The following TMEM139 variants were observed in gnomAD, a reference collection of about 807,000 sequenced individuals.
TMEM139 encodes the protein transmembrane protein 139.
TMEM139 carries 9 observed loss-of-function variants against 15.9 expected under a neutral mutation model. The ratio of observed to expected loss-of-function variants is 0.57; its 90% CI spans 0.34 to 0.99. The LOEUF is 0.99. TMEM139 is among the 50% of genes least tolerant of loss of function. The pLI, the probability that TMEM139 is intolerant of heterozygous loss-of-function variation, is 0.02. For missense variants in TMEM139, 270 were observed against 267.7 expected (o/e 1.01, Z -0.06); for synonymous variants, 95 against 110.5 (o/e 0.86, Z 0.88).
At position 143,287,109 on chromosome 7, in the gene TMEM139, A is replaced by T. The variant is rs1258182846; in HGVS notation, c.*280A>T. 4 of 329,322 alleles carry T rather than the reference A, an allele frequency of 1.2e-5. No individual in the cohort carries two copies. The highest frequency in any genetic ancestry group is 1.7e-5 in the Non-Finnish European group (3 of 179,584). The allele number at this position is 329,322 out of a possible 1,614,324, so 20.4% of individuals were successfully genotyped here. ...GGGAGGTGATCCAGAGAAGGCGGAG[A>T]AGGAAGAAGTAACCTCTGAGTGGCG... is the stretch of plus-strand genomic sequence containing the variant. On this transcript the variant is annotated 3_prime_UTR_variant, in exon 3 of 3. Coordinates refer to ENST00000359333, the MANE Select transcript of TMEM139 (RefSeq NM_001282876.2).
In TMEM139 at chr7:143,286,065, C is replaced by T. The variant is rs1416365836; in HGVS notation, c.108C>T (p.Thr36=). ...TGCTGGGCATAAAGACGGACATCAC[C>T]CCCGTTGCTTATTTCTTTCTCACAT... The part of the protein sequence containing the change: ...LALLGIKTDI[T]PVAYFFLTLG... The change falls in exon 2 of 3, where the codon ACC becomes ACT. Residue 36 remains threonine, a synonymous_variant. Coordinates refer to ENST00000359333, the MANE Select transcript of TMEM139 (RefSeq NM_001282876.2). The T allele has an allele frequency of 6.2e-7, 1 of 1,614,112 alleles. No homozygotes were observed. The highest frequency in any genetic ancestry group is 2.2e-5 in the East Asian group (1 of 44,878).
chr7:143,285,361 G>C lies in TMEM139; in HGVS notation c.-102G>C, dbSNP rs1007326160. The C allele has an allele frequency of 2.4e-5, 4 of 163,540 alleles. No homozygotes were observed. The highest frequency in any genetic ancestry group is 5.4e-5 in the Non-Finnish European group (4 of 73,794). The allele number at this position is 163,540 out of a possible 1,614,324, so 10.1% of individuals were successfully genotyped here. A position where few individuals can be genotyped will look rare whatever the true frequency, so the allele number is the denominator to read the frequency against. On this transcript the variant is annotated 5_prime_UTR_variant, in exon 1 of 3. Coordinates refer to ENST00000359333, the MANE Select transcript of TMEM139 (RefSeq NM_001282876.2). ...TTTCTCAAGCAGTTGTGTCCCTGTG[G>C]CTTTGGTGCGCCTGTGTGCACTTTC...
In TMEM139 at chr7:143,286,817, G is replaced by C; in HGVS notation, c.639G>C (p.Trp213Cys). Reference sequence around the variant, plus strand: ...ATAGTGTTTTTTATGAGGACAACTGGGCACCCCCTTAAATGACTCTCCCAA... The same window carrying C: ...ATAGTGTTTTTTATGAGGACAACTGCGCACCCCCTTAAATGACTCTCCCAA... ...DDDSVFYEDNWAPP is the reference protein window; with the variant it reads ...DDDSVFYEDNCAPP Residue 213 changes from tryptophan (W) to cysteine (C), a missense_variant, in exon 3 of 3, where the codon TGG becomes TGC. Trp to Cys is a radical substitution (Grantham distance 215). Coordinates refer to ENST00000359333, the MANE Select transcript of TMEM139 (RefSeq NM_001282876.2). The C allele has an allele frequency of 6.3e-7, 1 of 1,594,782 alleles. No individual in the cohort carries two copies. The highest frequency in any genetic ancestry group is 8.6e-7 in the Non-Finnish European group (1 of 1,166,876).
Position 143,286,219 on chromosome 7 carries a change from C to T in TMEM139, c.245+17C>T, listed in dbSNP as rs1174310964. 3 of 1,612,794 alleles carry T rather than the reference C, an allele frequency of 1.9e-6. No individual in the cohort carries two copies. The East Asian group carries it at 6.7e-5, about 36-fold the overall frequency. On this transcript the variant is annotated intron_variant, in intron 2 of 2. Transcript: ENST00000359333. ...CAATGCACGGTGAGTTAAGGGTGGG[C>T]ATCGTAAGAGGAATACACCTTGGGC...
rs200902226 is a variant in TMEM139 at position 143,286,512 on chromosome 7, C to T, written c.334C>T (p.Pro112Ser). 1 of 1,609,426 alleles carries T rather than the reference C, an allele frequency of 6.2e-7. No individual in the cohort carries two copies. The highest frequency in any genetic ancestry group is 1.3e-5 in the African/African-American group (1 of 74,576). ...CCGCCCCCAAGAGTTGGACCAACCA[C>T]CCCCCTACAGCACTGTTGTGATACC... The part of the protein sequence containing the change: ...QCRPQELDQP[P>S]PYSTVVIPPA... The change falls in exon 3 of 3, where the codon CCC becomes TCC. Residue 112 changes from proline to serine, a missense_variant. Transcript: ENST00000359333.
At position 143,287,006 on chromosome 7, in the gene TMEM139, C is replaced by A; in HGVS notation, c.*177C>A. 1 of 668,542 alleles carries A rather than the reference C, an allele frequency of 1.5e-6. No homozygotes were observed. Among genetic ancestry groups the A allele is most frequent in the Non-Finnish European group, 2.4e-6 (1 of 412,412 alleles). 41.4% of individuals were successfully genotyped at this position (668,542 alleles called of 1,614,324 possible). A position where few individuals can be genotyped will look rare whatever the true frequency, so the allele number is the denominator to read the frequency against. ...CCCTTCCCAGCTGAGATATGGGTGG[C>A]ATAATTTGAGTCTTCTGGCAACATT... is the stretch of plus-strand genomic sequence containing the variant. On this transcript the variant is annotated 3_prime_UTR_variant, in exon 3 of 3. Coordinates refer to ENST00000359333, the MANE Select transcript of TMEM139 (RefSeq NM_001282876.2).
At chr7:143,285,752 T>C in intron 1 of TMEM139, 189 bp from the exon 2 acceptor site, 1 of 692,066 alleles carries the variant, frequency 1.4e-6, no homozygotes, top group Non-Finnish European at 2.3e-6. Flanking sequence ...TGGGCTGGTT[T>C]CCTGGCTATT....
rs1801344425 is a variant in TMEM139 at position 143,286,805 on chromosome 7, T to G, written c.627T>G (p.Tyr209Ter). 1.2e-6 allele frequency: 2 copies of G among 1,605,144 alleles called. No homozygotes were observed. The highest frequency in any genetic ancestry group is 2.2e-5 in the South Asian group (2 of 90,556). The change falls in exon 3 of 3, where the codon TAT (tyrosine) becomes TAG (stop). Residue 209 changes from tyrosine (Y) to a stop codon, truncating the protein, a stop_gained. Coordinates refer to ENST00000359333, the MANE Select transcript of TMEM139 (RefSeq NM_001282876.2). LOFTEE classifies it high-confidence loss of function. ...ACCCTGATGATGATAGTGTTTTTTATGAGGACAACTGGGCACCCCCTTAAA... is the reference window on the plus strand; with the variant it reads ...ACCCTGATGATGATAGTGTTTTTTAGGAGGACAACTGGGCACCCCCTTAAA... ...FGHPDDDSVF[Y>*]EDNWAPP
chr7:143,286,392 A>G lies in TMEM139; in HGVS notation c.246-32A>G, dbSNP rs140477271. Reference sequence around the variant, plus strand: ...AGGGAAAAAGGGCTTCTTTCATGGAAGCCACCAATGGCCTTATTTCTCTTC... The same window carrying G: ...AGGGAAAAAGGGCTTCTTTCATGGAGGCCACCAATGGCCTTATTTCTCTTC... On this transcript the variant is annotated intron_variant, in intron 2 of 2. Coordinates refer to ENST00000359333, the MANE Select transcript of TMEM139 (RefSeq NM_001282876.2). 1.3e-4 allele frequency: 200 copies of G among 1,522,472 alleles called. No individual in the cohort carries two copies. The East Asian group carries it at 4.5e-3, about 34-fold the overall frequency. The allele number at this position is 1,522,472 out of a possible 1,614,324, so 94.3% of individuals were successfully genotyped here.
At position 143,287,138 on chromosome 7, in the gene TMEM139, A is replaced by C. The variant is rs1245969929; in HGVS notation, c.*309A>C. 8.2e-5 allele frequency: 22 copies of C among 268,286 alleles called. No homozygotes were observed. The highest frequency in any genetic ancestry group is 1.3e-4 in the Non-Finnish European group (19 of 141,602). 16.6% of individuals were successfully genotyped at this position (268,286 alleles called of 1,614,324 possible). On this transcript the variant is annotated 3_prime_UTR_variant, in exon 3 of 3. Coordinates refer to ENST00000359333, the MANE Select transcript of TMEM139 (RefSeq NM_001282876.2). ...AAGAAGTAACCTCTGAGTGGCGGCT[A>C]TTGCTTCTGTTCCAGGTGCTGTTCG... is the stretch of plus-strand genomic sequence containing the variant.
chr7:143,287,357 C>T lies in TMEM139; in HGVS notation c.*528C>T, dbSNP rs1052340191. 2 of 152,550 alleles carry T rather than the reference C, an allele frequency of 1.3e-5. No homozygotes were observed. Among genetic ancestry groups the T allele is most frequent in the Non-Finnish European group, 2.9e-5 (2 of 68,294 alleles). 9.4% of individuals were successfully genotyped at this position (152,550 alleles called of 1,614,324 possible). On this transcript the variant is annotated 3_prime_UTR_variant, in exon 3 of 3. Coordinates refer to ENST00000359333, the MANE Select transcript of TMEM139 (RefSeq NM_001282876.2). ...AGGTAATAGGAAGCCAAGCAACTTG[C>T]ATGTCTCCCAATCCCTGTCTAGGGA... is the stretch of plus-strand genomic sequence containing the variant.
Position 143,286,440 on chromosome 7 carries a change from G to T in TMEM139, c.262G>T (p.Glu88Ter). 1 of 1,529,804 alleles carries T rather than the reference G, an allele frequency of 6.5e-7. No individual in the cohort carries two copies. The highest frequency in any genetic ancestry group is 8.8e-7 in the Non-Finnish European group (1 of 1,142,318). The allele number at this position is 1,529,804 out of a possible 1,614,324, so 94.8% of individuals were successfully genotyped here. A position where few individuals can be genotyped will look rare whatever the true frequency, so the allele number is the denominator to read the frequency against. Residue 88 changes from glutamate to a stop codon, truncating the protein, a stop_gained, in exon 3 of 3, where the codon GAA becomes TAA. Coordinates refer to ENST00000359333, the MANE Select transcript of TMEM139 (RefSeq NM_001282876.2). LOFTEE classifies it high-confidence loss of function. ...SGNARDNEAF[E>*]VPVYEEAVVG... ...TTCCCTCAGGGACAATGAAGCCTTT[G>T]AAGTGCCAGTCTATGAAGAGGCCGT...
rs1801351931 is a variant in TMEM139 at position 143,286,903 on chromosome 7, AT to A, written c.*75del. 4.4e-5 allele frequency: 64 copies of A among 1,463,932 alleles called. No homozygotes were observed. The highest frequency in any genetic ancestry group is 5.9e-5 in the Non-Finnish European group (64 of 1,090,800). The allele number at this position is 1,463,932 out of a possible 1,614,324, so 90.7% of individuals were successfully genotyped here. On this transcript the variant is annotated 3_prime_UTR_variant, in exon 3 of 3. Coordinates refer to ENST00000359333, the MANE Select transcript of TMEM139 (RefSeq NM_001282876.2). ...TGACTAACATTTTCCAGCGCCTACT[AT>A]GTGTCAGAAACAAGTGTTTCTGCCT...
At position 143,286,782 on chromosome 7, in the gene TMEM139, C is replaced by A; in HGVS notation, c.604C>A (p.Pro202Thr). Residue 202 changes from proline (P) to threonine (T), a missense_variant, in exon 3 of 3, where the codon CCT (proline) becomes ACT (threonine). Pro to Thr is a conservative substitution (Grantham distance 38, BLOSUM62 -1). Coordinates refer to ENST00000359333, the MANE Select transcript of TMEM139 (RefSeq NM_001282876.2). ...TGCCTATGATGTCTGCTTTGGTCAC[C>A]CTGATGATGATAGTGTTTTTTATGA... ...PPAYDVCFGHPDDDSVFYEDN... is the reference protein window; with the variant it reads ...PPAYDVCFGHTDDDSVFYEDN... 1 of 1,613,444 alleles carries A rather than the reference C, an allele frequency of 6.2e-7. No homozygotes were observed. The highest frequency in any genetic ancestry group is 8.5e-7 in the Non-Finnish European group (1 of 1,179,542).
rs1016330930 is a variant in TMEM139, at chr7:143,287,726, A to T, written c.*897A>T. The stretch of plus-strand genomic sequence containing the variant: ...TGGCGAGGAGACTCCCTCTTGAATC[A>T]TCCATATGTAGCCCCGGGGTCACTT... On this transcript the variant is annotated 3_prime_UTR_variant, in exon 3 of 3. Coordinates refer to ENST00000359333, the MANE Select transcript of TMEM139 (RefSeq NM_001282876.2). 3.3e-5 allele frequency: 5 copies of T among 152,194 alleles called. No homozygotes were observed. Among genetic ancestry groups the T allele is most frequent in the Admixed American group, 6.5e-5 (1 of 15,274 alleles). 9.4% of individuals were successfully genotyped at this position (152,194 alleles called of 1,614,324 possible).
Position 143,286,514 on chromosome 7 carries a change from C to A in TMEM139, c.336C>A (p.Pro112=). 6.2e-7 allele frequency: 1 copy of A among 1,611,432 alleles called. No homozygotes were observed. Among genetic ancestry groups the A allele is most frequent in the Non-Finnish European group, 8.5e-7 (1 of 1,178,952 alleles). The change falls in exon 3 of 3, where the codon CCC becomes CCA. Residue 112 remains proline (P), a synonymous_variant. Transcript: ENST00000359333. ...QCRPQELDQP[P]PYSTVVIPPA... ...GCCCCCAAGAGTTGGACCAACCACC[C>A]CCCTACAGCACTGTTGTGATACCCC...
rs993501712 is a variant in TMEM139, at chr7:143,286,578, T to A, written c.400T>A (p.Ser134Thr). The change falls in exon 3 of 3, where the codon TCC becomes ACC. Residue 134 changes from serine to threonine, a missense_variant. Physicochemically the swap from Ser to Thr is moderately conservative, Grantham distance 58. Coordinates refer to ENST00000359333, the MANE Select transcript of TMEM139 (RefSeq NM_001282876.2). The part of the protein sequence containing the change: ...EEEQPSHPEG[S>T]RRAKLEQRRM... ...GGAACAACCTAGCCATCCAGAGGGG[T>A]CCAGGAGAGCCAAACTGGAACAGAG... is the stretch of plus-strand genomic sequence containing the variant. The A allele has an allele frequency of 6.2e-7, 1 of 1,611,430 alleles. No individual in the cohort carries two copies.
chr7:143,286,369 G>A (rs1261732450), intron 2 of TMEM139, 55 bp from the exon 3 acceptor site: 14 of 1,523,212 alleles, frequency 9.2e-6, no homozygotes, highest in Non-Finnish European at 1.2e-5. Context: ...CAAAAAAAAG[G>A]GAAAAAGGGC....
chr7:143,286,936 C>A lies in TMEM139; in HGVS notation c.*107C>A. On this transcript the variant is annotated 3_prime_UTR_variant, in exon 3 of 3. Transcript: ENST00000359333. ...GAAACAAGTGTTTCTGCCTGGACATCATAAATGGGGACTTGGACCCTGAGG... is the reference window on the plus strand; with the variant it reads ...GAAACAAGTGTTTCTGCCTGGACATAATAAATGGGGACTTGGACCCTGAGG... 1 of 1,312,092 alleles carries A rather than the reference C, an allele frequency of 7.6e-7. No homozygotes were observed. The highest frequency in any genetic ancestry group is 1.0e-6 in the Non-Finnish European group (1 of 960,678). The allele number at this position is 1,312,092 out of a possible 1,614,324, so 81.3% of individuals were successfully genotyped here.
Sources: gnomAD v4.1 joint callset for allele counts on GRCh38, gnomAD v4.1.1 for gene constraint, MANE v1.5 for transcripts, NCBI Gene and HGNC (gene_info 2026-07-23, HGNC 2026-07-21) for gene names.